The following PIK3C2B variants were observed in gnomAD, a reference collection of about 807,000 sequenced individuals.
PIK3C2B encodes the protein phosphatidylinositol 4-phosphate 3-kinase C2 domain-containing subunit beta.
PIK3C2B carries 83 observed loss-of-function variants against 184.3 expected under a neutral mutation model. That is an observed-to-expected ratio of 0.45 (90% CI 0.38 to 0.54). The LOEUF (loss-of-function observed/expected upper bound fraction) is 0.54. Ranked by LOEUF, PIK3C2B falls within the 20% of genes least tolerant of loss-of-function variation. The pLI, the probability that PIK3C2B is intolerant of heterozygous loss-of-function variation, is 0.00. For missense variants in PIK3C2B, 1,736 were observed against 2,113.5 expected (o/e 0.82, Z 3.50); for synonymous variants, 779 against 837.6 (o/e 0.93, Z 1.21).
chr1:204,482,735 G>A (rs1443837002), intron 1 of PIK3C2B, among the ~76,000 whole-genome samples: 1 of 151,818 alleles, frequency 6.6e-6, no homozygotes, highest in Non-Finnish European at 1.5e-5. Context: ...AGTGAGCCGA[G>A]ATCGCGCCAC....
At chr1:204,449,391 G>T in intron 13 of PIK3C2B, 95 bp from the exon 14 acceptor site, 1 of 901,434 alleles carries the variant, frequency 1.1e-6, no homozygotes, top group Non-Finnish European at 1.8e-6. Context: ...TTTTCTGTTT[G>T]AAGCCATCAT....
chr1:204,465,168 T>TA, intron 3 of PIK3C2B, 51 bp downstream of exon 3: 2 of 610,000 alleles, frequency 3.3e-6, no homozygotes, highest in Non-Finnish European at 3.1e-6. Context: ...ATGGCCCCCC[T>TA]CCCCATCCCC....
chr1:204,432,113 C>T, intron 27 of PIK3C2B, 87 bp downstream of exon 27: 1 of 1,203,712 alleles, frequency 8.3e-7, no homozygotes, highest in Non-Finnish European at 1.2e-6. Context: ...CCTGTGCCCA[C>T]TGTGCAAGTG....
Position 204,457,717 on chromosome 1 carries a change from G to A in PIK3C2B, c.1713+11C>T, listed in dbSNP as rs969197448. 1.3e-6 allele frequency: 2 copies of A among 1,595,896 alleles called. No homozygotes were observed. Among genetic ancestry groups the A allele is most frequent in the African/African-American group, 1.4e-5 (1 of 73,850 alleles). On this transcript the variant is annotated intron_variant, in intron 9 of 32. Coordinates refer to ENST00000684373, the MANE Select transcript of PIK3C2B (RefSeq NM_001377334.1). ...CTTCCTTTCCCCTGCTAGCACCCTG[G>A]GCCCCTTTACCTTCTGAATTTTAGG...
Position 204,439,055 on chromosome 1 carries a change from G to C in PIK3C2B, c.3396C>G (p.Ile1132Met). Residue 1132 changes from isoleucine to methionine, a missense_variant, in exon 23 of 33, where the codon ATC becomes ATG. Coordinates refer to ENST00000684373, the MANE Select transcript of PIK3C2B (RefSeq NM_001377334.1). ...TGRGRGMVEM[I>M]PNAETLRKIQ... The stretch of plus-strand genomic sequence containing the variant: ...TCTTACGCAGGGTCTCAGCATTAGG[G>C]ATCATCTCCACCATCCCTGTGAGGG... The C allele has an allele frequency of 6.2e-7, 1 of 1,613,798 alleles. No homozygotes were observed. The highest frequency in any genetic ancestry group is 8.5e-7 in the Non-Finnish European group (1 of 1,179,912).
chr1:204,493,254 G>C (rs988468894), intron 1 of PIK3C2B, among the ~76,000 whole-genome samples: 3 of 152,166 alleles, frequency 2.0e-5, no homozygotes, highest in African/African-American at 7.2e-5. Context: ...AGGTAGTTTA[G>C]AGCAAGGAGG....
In PIK3C2B at chr1:204,468,992, C is replaced by A; in HGVS notation, c.811G>T (p.Gly271Ter). ...GPLDFSKDTS[G>*]KPVARSKTMP... Reference sequence around the variant, plus strand: ...GTCTTGCTCCTGGCCACGGGTTTTCCAGAGGTGTCTTTGCTGAAGTCCAGC... The same window carrying A: ...GTCTTGCTCCTGGCCACGGGTTTTCAAGAGGTGTCTTTGCTGAAGTCCAGC... Residue 271 changes from glycine (G) to a stop codon, truncating the protein, a stop_gained, in exon 2 of 33, where the codon GGA becomes TGA. Coordinates refer to ENST00000684373, the MANE Select transcript of PIK3C2B (RefSeq NM_001377334.1). LOFTEE classifies it high-confidence loss of function. 1 of 1,614,202 alleles carries A rather than the reference C, an allele frequency of 6.2e-7. No homozygotes were observed. The highest frequency in any genetic ancestry group is 8.5e-7 in the Non-Finnish European group (1 of 1,180,036).
At position 204,469,347 on chromosome 1, in the gene PIK3C2B, C is replaced by A. The variant is rs771258466; in HGVS notation, c.456G>T (p.Lys152Asn). 9.8e-6 allele frequency: 15 copies of A among 1,527,478 alleles called. No homozygotes were observed. Among genetic ancestry groups the A allele is most frequent in the Non-Finnish European group, 1.2e-5 (14 of 1,140,142 alleles). 94.6% of individuals were successfully genotyped at this position (1,527,478 alleles called of 1,614,324 possible). ...PGPGDIEGSC[K>N]KLSPPPLPPR... ...GAGGCAGAGGAGGTGGGGATAGTTTCTTGCAAGAGCCCTCTATGTCCCCTG... is the reference window on the plus strand; with the variant it reads ...GAGGCAGAGGAGGTGGGGATAGTTTATTGCAAGAGCCCTCTATGTCCCCTG... The change falls in exon 2 of 33, where the codon AAG becomes AAT. Residue 152 changes from lysine to asparagine, a missense_variant. Lys to Asn is a moderately conservative substitution (Grantham distance 94). This residue lies in a region of PIK3C2B where 404 missense variants were observed against 418.0 expected (regional missense o/e 0.97). Transcript: ENST00000684373.
At chr1:204,440,457 C>T (rs1345957301) in intron 21 of PIK3C2B, 136 bp from the exon 22 acceptor site, 1 of 810,166 alleles carries the variant, frequency 1.2e-6, no homozygotes, top group East Asian at 3.1e-5. Context: ...CCTGCTCACT[C>T]AGCTCACACC....
intron 9 of PIK3C2B, 104 bp from the exon 10 acceptor site, chr1:204,457,174 G>C (rs1402644360): frequency 1.1e-6 from 1 of 916,712 alleles, no homozygotes; most frequent in Non-Finnish European, 1.7e-6. Context: ...ACCAGAATGG[G>C]CTGAAATGTG....
Position 204,438,912 on chromosome 1 carries a change from G to A in PIK3C2B, c.3516+23C>T, listed in dbSNP as rs58087793. The A allele has an allele frequency of 3.2e-4, 508 of 1,609,412 alleles. 3 individuals carry two copies. In the African/African-American group the frequency reaches 6.0e-3, roughly 19 times the overall value. ...CATCAGGCACACACACACACCAGAC[G>A]CACTCCCCACCCACAACCCTACCTT... On this transcript the variant is annotated intron_variant, in intron 23 of 32. Coordinates refer to ENST00000684373, the MANE Select transcript of PIK3C2B (RefSeq NM_001377334.1).
chr1:204,488,333 C>T (rs557382214), intron 1 of PIK3C2B, among the ~76,000 whole-genome samples: 1 of 152,350 alleles, frequency 6.6e-6, no homozygotes, highest in Admixed American at 6.5e-5. Flanking sequence ...TGTCTCTACC[C>T]TGTATAATCT....
chr1:204,444,530 G>A, intron 16 of PIK3C2B, 106 bp from the exon 17 acceptor site: 1 of 742,614 alleles, frequency 1.3e-6, no homozygotes, highest in Non-Finnish European at 2.3e-6. Flanking sequence ...GAAAGAAAAT[G>A]CAATGGCCCT....
chr1:204,466,623 A>G, intron 2 of PIK3C2B: 1 of 365,526 alleles, frequency 2.7e-6, no homozygotes, highest in Non-Finnish European at 5.4e-6. Flanking sequence ...GAAAGGAGAG[A>G]GAGAGGAAGA....
Position 204,447,894 on chromosome 1 carries a change from ACG to A in PIK3C2B, c.2347-318_2347-317del, listed in dbSNP as rs1654013352. Among the ~76,000 whole-genome samples, 3 of 152,298 alleles carry A rather than the reference ACG, an allele frequency of 2.0e-5. No individual in the cohort carries two copies. In the South Asian group the frequency reaches 6.2e-4, roughly 32 times the overall value. ...AACAGAGGTGTCACCCAGCTGAAAC[ACG>A]GGGTGCATCCAGGCTGAGTCCGGGG... On this transcript the variant is annotated intron_variant, in intron 14 of 32. Transcript: ENST00000684373. The surrounding 1 kb of genome is among the most constrained non-coding windows in gnomAD (Gnocchi z 4.1).
intron 11 of PIK3C2B, among the ~76,000 whole-genome samples, chr1:204,455,405 C>A (rs1170368550): frequency 1.3e-5 from 2 of 152,146 alleles, no homozygotes; most frequent in African/African-American, 2.4e-5. Context: ...GGGGACCCAA[C>A]AGAGGCGCTG....
At chr1:204,490,114 A>G in intron 1 of PIK3C2B, 2 of 395,208 alleles carry the variant, frequency 5.1e-6, no homozygotes, top group Non-Finnish European at 8.9e-6. Context: ...TGATGGAAGG[A>G]TAACAGTTTC....
intron 23 of PIK3C2B, among the ~76,000 whole-genome samples, chr1:204,438,284 A>G (rs940347251): frequency 2.6e-5 from 4 of 152,202 alleles, no homozygotes; most frequent in African/African-American, 9.7e-5. Context: ...TAATTAACCC[A>G]GAGACTAGAG....
Position 204,447,406 on chromosome 1 carries a change from T to G in PIK3C2B, c.2489+30A>C. 1 of 1,603,426 alleles carries G rather than the reference T, an allele frequency of 6.2e-7. No homozygotes were observed. Among genetic ancestry groups the G allele is most frequent in the South Asian group, 1.1e-5 (1 of 90,460 alleles). On this transcript the variant is annotated intron_variant, in intron 15 of 32. Coordinates refer to ENST00000684373, the MANE Select transcript of PIK3C2B (RefSeq NM_001377334.1). This position sits in a 1 kb window ranked among gnomAD's most constrained non-coding sequence, Gnocchi z 4.1. ...CAGTGCTGGGAGGTCAGATGAAACA[T>G]GACAGATTCAGTGGGGGCCCGGGTC...
Sources: allele counts gnomAD v4.1 joint callset (sites outside exome capture counted in the v4.1 genomes callset), GRCh38; gene constraint gnomAD v4.1.1; regional missense constraint gnomAD v4.1.1; non-coding constraint Gnocchi (gnomAD v3.1); transcripts MANE v1.5; gene names NCBI Gene and HGNC (gene_info 2026-07-23, HGNC 2026-07-21).